DAGLA: variants seen among roughly 807,000 people sequenced by gnomAD.
DAGLA encodes the protein diacylglycerol lipase alpha.
A neutral mutation model predicts 102.6 loss-of-function variants in DAGLA; 22 were observed. That is an observed-to-expected ratio of 0.21 (90% CI 0.15 to 0.31). The LOEUF (loss-of-function observed/expected upper bound fraction) is 0.31. Among genes scored for constraint, DAGLA ranks in the 10% least tolerant of loss-of-function variants. DAGLA has a pLI of 1.00. For missense variants in DAGLA, 927 were observed against 1,446.6 expected (o/e 0.64, Z 5.83); for synonymous variants, 578 against 628.9 (o/e 0.92, Z 1.21).
chr11:61,698,911 G>T (rs1233696895), intron 1 of DAGLA, among the ~76,000 whole-genome samples: 1 of 152,208 alleles, frequency 6.6e-6, no homozygotes, highest in Non-Finnish European at 1.5e-5. Flanking sequence ...GAACACTGAG[G>T]AGTTCCCAGG....
intron 1 of DAGLA, among the ~76,000 whole-genome samples, chr11:61,713,675 C>T (rs1019980840): frequency 1.3e-5 from 2 of 152,240 alleles, no homozygotes; most frequent in South Asian, 4.1e-4. Flanking sequence ...GGCCAGACAG[C>T]GACCTGCTGG....
intron 15 of DAGLA, 70 bp from the exon 16 acceptor site, chr11:61,738,064 GC>G: frequency 7.9e-7 from 1 of 1,269,370 alleles, no homozygotes; most frequent in Non-Finnish European, 1.1e-6. Flanking sequence ...CTGCCCCTCC[GC>G]CCCTGGCCCC....
rs1334574733 is a variant in DAGLA at position 61,731,459 on chromosome 11, A to C, written c.974+18A>C. ...TCCTGCTCGTGAGTACCCCTGTCCC[A>C]TCCCCCAGCGATTGCACCTCTCCTC... On this transcript the variant is annotated intron_variant, in intron 9 of 19. Transcript: ENST00000257215. The C allele has an allele frequency of 5.0e-6, 8 of 1,611,796 alleles. No homozygotes were observed. Among genetic ancestry groups the C allele is most frequent in the Non-Finnish European group, 6.8e-6 (8 of 1,179,596 alleles).
At chr11:61,710,329 G>A (rs1444319154) in intron 1 of DAGLA, among the ~76,000 whole-genome samples, 1 of 151,822 alleles carries the variant, frequency 6.6e-6, no homozygotes, top group Non-Finnish European at 1.5e-5. Context: ...TGGAAAGCTG[G>A]AAGGGCAGAT....
At position 61,743,780 on chromosome 11, in the gene DAGLA, C is replaced by G; in HGVS notation, c.2420C>G (p.Pro807Arg). The stretch of plus-strand genomic sequence containing the variant: ...GGCTTCCGCAGCATCCGGGGCTCCC[C>G]CAGCCTCCACGCTGTGCTGGAGCGT... ...SSGFRSIRGS[P>R]SLHAVLERDE... Residue 807 changes from proline (P) to arginine (R), a missense_variant, in exon 20 of 20, where the codon CCC becomes CGC. Physicochemically the swap from Pro to Arg is moderately radical, Grantham distance 103. Around this residue, in one of 4 missense-constraint regions of DAGLA, gnomAD observed 434 missense variants for 503.3 expected, o/e 0.86. Coordinates refer to ENST00000257215, the MANE Select transcript of DAGLA (RefSeq NM_006133.3). 6.2e-7 allele frequency: 1 copy of G among 1,612,532 alleles called. No individual in the cohort carries two copies. Among genetic ancestry groups the G allele is most frequent in the Non-Finnish European group, 8.5e-7 (1 of 1,179,932 alleles).
At position 61,744,502 on chromosome 11, in the gene DAGLA, G is replaced by T. The variant is rs548499223; in HGVS notation, c.*13G>T. 2 of 1,528,254 alleles carry T rather than the reference G, an allele frequency of 1.3e-6. No individual in the cohort carries two copies. Among genetic ancestry groups the T allele is most frequent in the Non-Finnish European group, 8.8e-7 (1 of 1,136,456 alleles). 94.7% of individuals were successfully genotyped at this position (1,528,254 alleles called of 1,614,324 possible). On this transcript the variant is annotated 3_prime_UTR_variant, in exon 20 of 20. Transcript: ENST00000257215. ...CTCAGCACGCTAGCACCCCAGTTGC[G>T]TGGCCAGCCGGGCCCAGGCAGGAGC... is the stretch of plus-strand genomic sequence containing the variant.
At chr11:61,720,068 C>T in intron 1 of DAGLA, 44 bp from the exon 2 acceptor site, 2 of 1,427,422 alleles carry the variant, frequency 1.4e-6, no homozygotes, top group Non-Finnish European at 1.9e-6. Flanking sequence ...CCCTGGGTGC[C>T]TTCACCTCCT....
intron 1 of DAGLA, among the ~76,000 whole-genome samples, chr11:61,688,320 A>G (rs1190550534): frequency 1.3e-5 from 2 of 151,880 alleles, no homozygotes; most frequent in African/African-American, 4.8e-5. Flanking sequence ...GTCTCAAAAA[A>G]AAAAAAAAAA....
chr11:61,680,806 T>C (rs1048102875), intron 1 of DAGLA, among the ~76,000 whole-genome samples: 3 of 151,688 alleles, frequency 2.0e-5, no homozygotes, highest in Non-Finnish European at 4.4e-5. Context: ...GCCACGCAGG[T>C]GTGAGGTGGT....
Position 61,744,315 on chromosome 11 carries a change from C to T in DAGLA, c.2955C>T (p.Gly985=). The T allele has an allele frequency of 6.2e-7, 1 of 1,612,686 alleles. No individual in the cohort carries two copies. The highest frequency in any genetic ancestry group is 8.5e-7 in the Non-Finnish European group (1 of 1,179,742). ...LFAGSADPSS[G]ISLSPSFPLS... The stretch of plus-strand genomic sequence containing the variant: ...CCGGCTCAGCCGACCCCTCCTCGGG[C>T]ATCTCACTCTCGCCCTCCTTCCCGC... The change falls in exon 20 of 20, where the codon GGC becomes GGT. Residue 985 remains glycine (G), a synonymous_variant. Transcript: ENST00000257215.
intron 1 of DAGLA, among the ~76,000 whole-genome samples, chr11:61,716,490 C>T (rs956442605): frequency 1.3e-4 from 20 of 151,794 alleles, no homozygotes; most frequent in African/African-American, 4.6e-4. Context: ...TTTGGGGTGT[C>T]GAGAAAGAAG....
At chr11:61,700,354 G>T (rs1035063169) in intron 1 of DAGLA, among the ~76,000 whole-genome samples, 1 of 146,262 alleles carries the variant, frequency 6.8e-6, no homozygotes, top group African/African-American at 2.8e-5. Context: ...GATTCAACCA[G>T]TCCCTGCCCT....
chr11:61,743,446 T>G, intron 19 of DAGLA, 86 bp from the exon 20 acceptor site: 12 of 1,040,790 alleles, frequency 1.2e-5, no homozygotes, highest in Non-Finnish European at 1.6e-5. Context: ...CTTTATTCCC[T>G]GCAAGTTCCT....
intron 9 of DAGLA, among the ~76,000 whole-genome samples, chr11:61,733,345 C>T (rs189652965): frequency 1.3e-5 from 2 of 152,304 alleles, no homozygotes; most frequent in East Asian, 3.9e-4. Flanking sequence ...ACCACTTGAC[C>T]TGCAGTGTGG....
In DAGLA at chr11:61,744,954, C is replaced by A. The variant is rs546185518; in HGVS notation, c.*465C>A. ...CCTGGCCACCCCCCAGATCTGGTGC[C>A]TGCTGGCCGGCCCCCTGGGGTGCCC... On this transcript the variant is annotated 3_prime_UTR_variant, in exon 20 of 20. Coordinates refer to ENST00000257215, the MANE Select transcript of DAGLA (RefSeq NM_006133.3). 113 of 165,190 alleles carry A rather than the reference C, an allele frequency of 6.8e-4. No individual in the cohort carries two copies. Among genetic ancestry groups the A allele is most frequent in the African/African-American group, 2.7e-3 (111 of 41,790 alleles). 10.2% of individuals were successfully genotyped at this position (165,190 alleles called of 1,614,324 possible). A position where few individuals can be genotyped will look rare whatever the true frequency, so the allele number is the denominator to read the frequency against.
At chr11:61,741,060 G>T in intron 18 of DAGLA, 102 bp from the exon 19 acceptor site, 2 of 1,174,204 alleles carry the variant, frequency 1.7e-6, no homozygotes, top group Middle Eastern at 2.9e-4. Flanking sequence ...ACTCCATGAG[G>T]CTTTGCTTGG....
chr11:61,709,712 G>A (rs916299323), intron 1 of DAGLA, among the ~76,000 whole-genome samples: 1 of 152,066 alleles, frequency 6.6e-6, no homozygotes, highest in African/African-American at 2.4e-5. Context: ...CAGTCTCTGT[G>A]GGGGCAGGGG....
chr11:61,682,665 A>G (rs59200224), intron 1 of DAGLA, among the ~76,000 whole-genome samples: 20,753 of 152,012 alleles, frequency 0.14, 1,584 homozygotes, highest in East Asian at 0.27. Context: ...AGACTTGGGA[A>G]GTGTGTGTGT....
At chr11:61,698,848 G>T (rs755112946) in intron 1 of DAGLA, among the ~76,000 whole-genome samples, 1 of 152,232 alleles carries the variant, frequency 6.6e-6, no homozygotes, top group African/African-American at 2.4e-5. Context: ...GCCCTTGGGG[G>T]TTGGCGGGCC....
Sources: allele counts gnomAD v4.1 joint callset (sites outside exome capture counted in the v4.1 genomes callset), GRCh38; gene constraint gnomAD v4.1.1; regional missense constraint gnomAD v4.1.1; transcripts MANE v1.5; gene names NCBI Gene and HGNC (gene_info 2026-07-23, HGNC 2026-07-21).